The following CHD1L variants were observed in gnomAD, a reference collection of about 807,000 sequenced individuals.
CHD1L encodes ATP-dependent chromatin remodeler CHD1L.
CHD1L carries 118 observed loss-of-function variants against 115.9 expected under a neutral mutation model. That is an observed-to-expected ratio of 1.02 (90% CI 0.88 to 1.19). The LOEUF (loss-of-function observed/expected upper bound fraction) is 1.19. CHD1L is among the 50% of genes most tolerant of loss of function. The pLI is 0.00. For synonymous variants in CHD1L, 411 were observed against 387.1 expected, an observed-to-expected ratio of 1.06 and a Z score of -0.72; for missense variants, 1,179 against 1,065.3, an observed-to-expected ratio of 1.11 and a Z score of -1.49.
chr1:147,233,144 G>T, the CHD1L span, among the ~76,000 whole-genome samples: 70 of 151,766 alleles, frequency 4.6e-4, no homozygotes, highest in Admixed American at 9.2e-4. Flanking sequence ...GCCTCTGCCC[G>T]GCTGCGACCC....
chr1:147,173,925 A>C, the CHD1L span, among the ~76,000 whole-genome samples: 1 of 152,390 alleles, frequency 6.6e-6, no homozygotes, highest in Non-Finnish European at 1.5e-5. Context: ...GGATACAGGA[A>C]TACTGTTTAC....
At chr1:147,173,362 G>C in the CHD1L span, 1 of 152,298 alleles carries the variant, frequency 6.6e-6, no homozygotes, top group African/African-American at 2.4e-5. Context: ...CTTTCAGCCC[G>C]ACTGGGGTCG....
rs1294935544 is a variant in CHD1L, at chr1:147,288,322, C to CA, written c.2320+591dup. Among the ~76,000 whole-genome samples, 5 of 87,894 alleles carry CA rather than the reference C, an allele frequency of 5.7e-5. No homozygotes were observed. The East Asian group carries it at 1.2e-3, about 20-fold the overall frequency. 57.7% of individuals were successfully genotyped at this position (87,894 alleles called of 152,430 possible). A position where few individuals can be genotyped will look rare whatever the true frequency, so the allele number is the denominator to read the frequency against. On this transcript the variant is annotated intron_variant, in intron 19 of 22. Coordinates refer to ENST00000369258, the MANE Select transcript of CHD1L (RefSeq NM_004284.6). ...CCTGAGTGAGAGTGAGACCCTGTTT[C>CA]AATAAAAAAAAAAAAAAAAAAAAAG...
At chr1:147,184,699 G>T in the CHD1L span, 1 of 1,414,826 alleles carries the variant, frequency 7.1e-7, no homozygotes, top group Non-Finnish European at 9.2e-7. The surrounding 1 kb of genome is among the most constrained non-coding windows in gnomAD (Gnocchi z 4.4). Flanking sequence ...TCATCTCAAA[G>T]GTACATACTA....
chr1:147,243,618 C>T (rs1553932543), intron 1 of CHD1L, among the ~76,000 whole-genome samples: 1 of 152,118 alleles, frequency 6.6e-6, no homozygotes, highest in Admixed American at 6.5e-5. Flanking sequence ...CGCTGAACCG[C>T]CCCAGCCTCG....
chr1:147,227,508 A>T, the CHD1L span, among the ~76,000 whole-genome samples: 2 of 152,192 alleles, frequency 1.3e-5, no homozygotes, highest in African/African-American at 4.8e-5. Context: ...TTTGTGTTGT[A>T]TTAAAATTAC....
the CHD1L span, among the ~76,000 whole-genome samples, chr1:147,209,317 A>G: frequency 0.037 from 5,608 of 151,548 alleles, 151 homozygotes; most frequent in South Asian, 0.096. Context: ...AGGTGCCTGT[A>G]GTCCCAGCTA....
chr1:147,208,260 A>G, the CHD1L span, among the ~76,000 whole-genome samples: 2 of 152,016 alleles, frequency 1.3e-5, no homozygotes, highest in African/African-American at 4.8e-5. Flanking sequence ...GTCCTCAGCT[A>G]TCATTTTGTT....
chr1:147,288,268 T>C (rs11239966), intron 19 of CHD1L, among the ~76,000 whole-genome samples: 2,671 of 139,358 alleles, frequency 0.019, 83 homozygotes, highest in African/African-American at 0.069. Flanking sequence ...GAGGTTGCAG[T>C]GAGCTGTGAT....
chr1:147,237,016 C>T, the CHD1L span, among the ~76,000 whole-genome samples: 2 of 148,686 alleles, frequency 1.3e-5, no homozygotes, highest in African/African-American at 2.5e-5. Flanking sequence ...AAAGGGGCAC[C>T]TGCAGGCAAG....
chr1:147,244,710 A>G (rs1666041864), intron 1 of CHD1L, among the ~76,000 whole-genome samples: 1 of 152,080 alleles, frequency 6.6e-6, no homozygotes. Context: ...CTTATCATTC[A>G]GTCTTCTTCA....
the CHD1L span, chr1:147,186,491 G>T: frequency 1.0e-6 from 1 of 985,662 alleles, no homozygotes; most frequent in Non-Finnish European, 1.2e-6. Context: ...GCTTCTAATA[G>T]AAAATCAAAC....
the CHD1L span, chr1:147,212,370 A>C: frequency 6.2e-7 from 1 of 1,613,084 alleles, no homozygotes; most frequent in Non-Finnish European, 8.5e-7. Context: ...AAGCAACGTA[A>C]ATAATAATTG....
upstream of CHD1L, among the ~76,000 whole-genome samples, chr1:147,240,226 C>T (rs1664734346): frequency 6.6e-6 from 1 of 152,126 alleles, no homozygotes; most frequent in South Asian, 2.1e-4. Context: ...AATCTGTAAC[C>T]CTACCCCCAA....
chr1:147,207,185 T>C, the CHD1L span, among the ~76,000 whole-genome samples: 1 of 152,110 alleles, frequency 6.6e-6, no homozygotes, highest in South Asian at 2.1e-4. Context: ...CTGAAGTATT[T>C]AAAGTGTCTT....
At chr1:147,271,107 AAGC>A in intron 11 of CHD1L, 102 bp downstream of exon 11, 1 of 1,029,056 alleles carries the variant, frequency 9.7e-7, no homozygotes, top group Non-Finnish European at 1.5e-6. Flanking sequence ...TTACAAAGGA[AAGC>A]AGGGTGAGAA....
chr1:147,192,182 T>G, the CHD1L span, among the ~76,000 whole-genome samples: 2 of 152,248 alleles, frequency 1.3e-5, no homozygotes, highest in Admixed American at 6.5e-5. Context: ...CCTCTTTTAT[T>G]TCATTGAGCA....
chr1:147,256,651 G>A lies in CHD1L; in HGVS notation c.494+89G>A. The A allele has an allele frequency of 1.6e-6, 2 of 1,288,846 alleles. 1 individual carries two copies. The highest frequency in any genetic ancestry group is 2.5e-5 in the South Asian group (2 of 80,382). 79.8% of individuals were successfully genotyped at this position (1,288,846 alleles called of 1,614,324 possible). A position where few individuals can be genotyped will look rare whatever the true frequency, so the allele number is the denominator to read the frequency against. ...CACGTTTTAGTACTTTGCCTCTCCT[G>A]GCATGTCTGGTATGTCTTCCATGAG... On this transcript the variant is annotated intron_variant, in intron 5 of 22. Coordinates refer to ENST00000369258, the MANE Select transcript of CHD1L (RefSeq NM_004284.6).
At chr1:147,216,401 T>A in the CHD1L span, among the ~76,000 whole-genome samples, 2 of 151,806 alleles carry the variant, frequency 1.3e-5, no homozygotes, top group South Asian at 2.1e-4. Flanking sequence ...AACAGAAAGT[T>A]ACTAACACTG....
Sources: allele counts gnomAD v4.1 joint callset (sites outside exome capture counted in the v4.1 genomes callset), GRCh38; gene constraint gnomAD v4.1.1; non-coding constraint Gnocchi (gnomAD v3.1); transcripts MANE v1.5; gene names NCBI Gene and HGNC (gene_info 2026-07-23, HGNC 2026-07-21).